The following MRI1 variants were observed in gnomAD, a reference collection of about 807,000 sequenced individuals.
MRI1 encodes the protein methylthioribose-1-phosphate isomerase 1, also known as methylthioribose-1-phosphate isomerase.
MRI1 carries 32 observed loss-of-function variants against 27.3 expected under a neutral mutation model. The ratio of observed to expected loss-of-function variants is 1.17; its 90% CI spans 0.88 to 1.57. MRI1 has a LOEUF of 1.57. Ranked by LOEUF, MRI1 falls within the 40% of genes most tolerant of loss-of-function variation. MRI1 has a pLI of 0.00. For synonymous variants in MRI1, 216 were observed against 227.4 expected (o/e 0.95, Z 0.45); for missense variants, 508 against 516.1 (o/e 0.98, Z 0.15).
chr19:13,768,405 A>G, intron 3 of MRI1, 156 bp from the exon 4 acceptor site: 3 of 1,537,134 alleles, frequency 2.0e-6, no homozygotes, highest in Middle Eastern at 1.7e-4. Flanking sequence ...TACCAGGCAG[A>G]GGGAACTGCC....
At chr19:13,769,651 GTGGCTCACACC>G (rs1196652219) in intron 5 of MRI1, among the ~76,000 whole-genome samples, 1 of 152,142 alleles carries the variant, frequency 6.6e-6, no homozygotes, top group Non-Finnish European at 1.5e-5. Flanking sequence ...GCCAGGCGAG[GTGGCTCACACC>G]TGTAATCCCA....
chr19:13,765,838 A>G, intron 2 of MRI1, 116 bp from the exon 3 acceptor site: 1 of 1,199,444 alleles, frequency 8.3e-7, no homozygotes. Flanking sequence ...CAGGCCCCAC[A>G]GCAATGAGAG....
chr19:13,769,113 G>T (rs575561533), intron 5 of MRI1, 65 bp downstream of exon 5: 1 of 1,338,774 alleles, frequency 7.5e-7, no homozygotes, highest in African/African-American at 1.5e-5. Context: ...CAGGTGATAT[G>T]CAGGTCCTTG....
chr19:13,766,322 A>G (rs1219044948), intron 3 of MRI1, among the ~76,000 whole-genome samples, 193 bp downstream of exon 3: 1 of 152,182 alleles, frequency 6.6e-6, no homozygotes, highest in Non-Finnish European at 1.5e-5. Flanking sequence ...ATCAGGACCT[A>G]TCTATCTCTG....
chr19:13,770,332 C>G (rs1360526791), intron 5 of MRI1, among the ~76,000 whole-genome samples: 1 of 152,216 alleles, frequency 6.6e-6, no homozygotes, highest in Non-Finnish European at 1.5e-5. Context: ...CGCCTATAAT[C>G]CCAACACTTT....
At position 13,766,055 on chromosome 19, in the gene MRI1, G is replaced by GC. The variant is rs1974116200; in HGVS notation, c.474dup (p.Gly159ArgfsTer11). 6.2e-7 allele frequency: 1 copy of GC among 1,613,016 alleles called. No individual in the cohort carries two copies. Among genetic ancestry groups the GC allele is most frequent in the South Asian group, 1.1e-5 (1 of 91,048 alleles). ...CACCTCCTGGAGCGGGTGGCCCCCA[G>GC]CGGTGGCAAGGTGACTGTGCTGACC... On this transcript the variant is annotated frameshift_variant, in exon 3 of 6. Coordinates refer to ENST00000040663, the MANE Select transcript of MRI1 (RefSeq NM_001031727.4). LOFTEE classifies it high-confidence loss of function.
Position 13,764,660 on chromosome 19 carries a change from G to A in MRI1, c.72G>A (p.Gln24=). 1.2e-6 allele frequency: 2 copies of A among 1,602,526 alleles called. No individual in the cohort carries two copies. The highest frequency in any genetic ancestry group is 1.7e-6 in the Non-Finnish European group (2 of 1,177,146). Residue 24 remains glutamine, a synonymous_variant, in exon 1 of 6, where the codon CAG becomes CAA. Coordinates refer to ENST00000040663, the MANE Select transcript of MRI1 (RefSeq NM_001031727.4). ...QILDQLLLPK[Q]SRYEAVGSVH... ...TAGACCAGCTGCTGCTGCCCAAGCAGAGCCGCTACGAGGCGGTGGGCTCGG... is the reference window on the plus strand; with the variant it reads ...TAGACCAGCTGCTGCTGCCCAAGCAAAGCCGCTACGAGGCGGTGGGCTCGG...
chr19:13,767,890 A>G (rs1974175707), intron 3 of MRI1, among the ~76,000 whole-genome samples: 1 of 50,310 alleles, frequency 2.0e-5, no homozygotes, highest in Non-Finnish European at 3.5e-5. Context: ...TTTTTTTGAG[A>G]CAGAGTCTTG....
chr19:13,765,563 C>T (rs1974103861), intron 2 of MRI1, among the ~76,000 whole-genome samples: 1 of 152,196 alleles, frequency 6.6e-6, no homozygotes, highest in Non-Finnish European at 1.5e-5. Flanking sequence ...TTTGCACGTG[C>T]CATTGGTGCG....
rs748893321 is a variant in MRI1, at chr19:13,772,296, C to T, written c.*15C>T. 5 of 1,603,034 alleles carry T rather than the reference C, an allele frequency of 3.1e-6. No individual in the cohort carries two copies. In the African/African-American group the frequency reaches 4.0e-5, roughly 13 times the overall value. ...CCCAGATGTAACCAACTCAGCTCTC[C>T]CTAGCCTGCCTCTCTAGGTTTTTCA... On this transcript the variant is annotated 3_prime_UTR_variant, in exon 6 of 6. Coordinates refer to ENST00000040663, the MANE Select transcript of MRI1 (RefSeq NM_001031727.4).
rs762391712 is a variant in MRI1 at position 13,764,548 on chromosome 19, C to G, written c.-41C>G. 9 of 1,595,350 alleles carry G rather than the reference C, an allele frequency of 5.6e-6. No individual in the cohort carries two copies. Among genetic ancestry groups the G allele is most frequent in the East Asian group, 4.5e-5 (2 of 44,502 alleles). ...CCCCGCTCCCAAGTGCGCGCGGACC[C>G]CTAGCTCCCTCTGAGTTGCGCTGGG... On this transcript the variant is annotated 5_prime_UTR_variant, in exon 1 of 6. Transcript: ENST00000040663.
At chr19:13,771,971 A>G (rs1184471969) in intron 5 of MRI1, 150 bp from the exon 6 acceptor site, 4 of 660,972 alleles carry the variant, frequency 6.1e-6, no homozygotes, top group Non-Finnish European at 5.2e-6. Flanking sequence ...TACAATGTCC[A>G]TGCCTGCATG....
chr19:13,767,861 C>CTTT lies in MRI1; in HGVS notation c.548-677_548-675dup, dbSNP rs1170108927. Among the ~76,000 whole-genome samples the CTTT allele has an allele frequency of 1.8e-3, 110 of 61,064 alleles. 4 individuals are homozygous for CTTT. Among genetic ancestry groups the CTTT allele is most frequent in the Middle Eastern group, 0.017 (1 of 58 alleles). 40.1% of individuals were successfully genotyped at this position (61,064 alleles called of 152,430 possible). ...TCTTTTCAAGTATTTTCTTTCTTTC[C>CTTT]TTTTTTTTTTTTTTTTTTTTTTTTT... is the stretch of plus-strand genomic sequence containing the variant. On this transcript the variant is annotated intron_variant, in intron 3 of 5. Transcript: ENST00000040663.
In MRI1 at chr19:13,773,841, G is replaced by C. The variant is rs1128028; in HGVS notation, c.*1560G>C. The C allele has an allele frequency of 6.6e-6, 1 of 152,060 alleles. No homozygotes were observed. Among genetic ancestry groups the C allele is most frequent in the Non-Finnish European group, 1.5e-5 (1 of 68,002 alleles). 9.4% of individuals were successfully genotyped at this position (152,060 alleles called of 1,614,324 possible). ...CCTGGCTAATTTTTGTATTTTTATT[G>C]GAGACACCATGTTAGTCGTGGCTGG... On this transcript the variant is annotated 3_prime_UTR_variant, in exon 6 of 6. Transcript: ENST00000040663.
Position 13,772,192 on chromosome 19 carries a change from C to A in MRI1, c.1021C>A (p.Leu341Met). The A allele has an allele frequency of 6.2e-7, 1 of 1,614,124 alleles. No homozygotes were observed. Among genetic ancestry groups the A allele is most frequent in the Non-Finnish European group, 8.5e-7 (1 of 1,179,992 alleles). ...DLITGGIITE[L>M]GVFAPEELRT... ...CATCACTGGTGGCATCATCACAGAA[C>A]TGGGGGTCTTTGCCCCTGAGGAGCT... is the stretch of plus-strand genomic sequence containing the variant. The change falls in exon 6 of 6, where the codon CTG becomes ATG. Residue 341 changes from leucine (L) to methionine (M), a missense_variant. This residue lies in a region of MRI1 where 457 missense variants were observed against 452.8 expected (regional missense o/e 1.01). Coordinates refer to ENST00000040663, the MANE Select transcript of MRI1 (RefSeq NM_001031727.4).
At chr19:13,766,841 G>A (rs1355870211) in intron 3 of MRI1, among the ~76,000 whole-genome samples, 3 of 151,496 alleles carry the variant, frequency 2.0e-5, no homozygotes, top group East Asian at 1.9e-4. Context: ...CTGCTCTCAG[G>A]GGTCCCAGGG....
At chr19:13,770,990 G>A (rs1332954602) in intron 5 of MRI1, among the ~76,000 whole-genome samples, 1 of 152,152 alleles carries the variant, frequency 6.6e-6, no homozygotes, top group East Asian at 1.9e-4. Context: ...ATTTTGGGAG[G>A]CTGAGGTGGG....
intron 5 of MRI1, among the ~76,000 whole-genome samples, 172 bp downstream of exon 5, chr19:13,769,220 G>A (rs983370756): frequency 3.3e-5 from 5 of 152,094 alleles, no homozygotes; most frequent in Non-Finnish European, 7.4e-5. Flanking sequence ...CTAGAGTGCA[G>A]TGGCACGATC....
chr19:13,768,829 G>T lies in MRI1; in HGVS notation c.730G>T (p.Val244Phe). ...CTCATACGCCCCCTCCCCAGCTGTGGTCGTGGGAGCTGACCGCGTGGTTGC... is the reference window on the plus strand; with the variant it reads ...CTCATACGCCCCCTCCCCAGCTGTGTTCGTGGGAGCTGACCGCGTGGTTGC... Reference protein sequence around the residue: ...AMAHRGVSAVVVGADRVVANG... With the variant: ...AMAHRGVSAVFVGADRVVANG... Residue 244 changes from valine to phenylalanine, a missense_variant, in exon 5 of 6, where the codon GTC becomes TTC. Around this residue, in one of 3 missense-constraint regions of MRI1, gnomAD observed 457 missense variants for 452.8 expected, o/e 1.01. Transcript: ENST00000040663. 6.2e-7 allele frequency: 1 copy of T among 1,604,914 alleles called. No individual in the cohort carries two copies. The highest frequency in any genetic ancestry group is 8.5e-7 in the Non-Finnish European group (1 of 1,173,788).
Sources: allele counts gnomAD v4.1 joint callset (sites outside exome capture counted in the v4.1 genomes callset), GRCh38; gene constraint gnomAD v4.1.1; regional missense constraint gnomAD v4.1.1; transcripts MANE v1.5; gene names NCBI Gene and HGNC (gene_info 2026-07-23, HGNC 2026-07-21).